Variants in SZRD1 observed in about 807,000 individuals in gnomAD.
SZRD1 encodes SUZ RNA-binding domain-containing.
A neutral mutation model predicts 17.6 loss-of-function variants in SZRD1; 7 were observed. The ratio of observed to expected loss-of-function variants is 0.40; its 90% CI spans 0.23 to 0.75. The LOEUF (loss-of-function observed/expected upper bound fraction) is 0.75, where lower values mean the gene tolerates loss of function less well. Ranked by LOEUF, SZRD1 falls within the 30% of genes least tolerant of loss-of-function variation. SZRD1 has a pLI of 0.38. For synonymous variants in SZRD1, 77 were observed against 77.9 expected (o/e 0.99, Z 0.06); for missense variants, 178 against 201.8 (o/e 0.88, Z 0.71).
At chr1:16,369,361 C>T in intron 1 of SZRD1, 1 of 907,730 alleles carries the variant, frequency 1.1e-6, no homozygotes. Flanking sequence ...CATCCCTCCA[C>T]CAAGGTTCTC....
intron 1 of SZRD1, among the ~76,000 whole-genome samples, chr1:16,373,762 CCTGA>C (rs940141834): frequency 5.3e-5 from 8 of 152,058 alleles, no homozygotes; most frequent in African/African-American, 1.9e-4. Context: ...CGCCACCACA[CCTGA>C]CTATTTTTGA....
intron 1 of SZRD1, among the ~76,000 whole-genome samples, chr1:16,370,635 A>G (rs2082898705): frequency 6.6e-6 from 1 of 151,888 alleles, no homozygotes; most frequent in African/African-American, 2.4e-5. Context: ...CATTAAAAAA[A>G]AAAATATTTA....
intron 1 of SZRD1, among the ~76,000 whole-genome samples, chr1:16,372,312 A>G (rs974035840): frequency 6.6e-6 from 1 of 152,052 alleles, no homozygotes; most frequent in Non-Finnish European, 1.5e-5. Context: ...GTCTCTATTA[A>G]AAATACAAAA....
rs574033898 is a variant in SZRD1 at position 16,393,503 on chromosome 1, C to G, written c.356+21C>G. On this transcript the variant is annotated intron_variant, in intron 3 of 3. Transcript: ENST00000401088. This position sits in a 1 kb window ranked among gnomAD's most constrained non-coding sequence, Gnocchi z 5.6. ...GACAGGTGAGTGTGGCTGGCAGGGCCGGCCAGTGATGGCTGTCCCAGTCCA... is the reference window on the plus strand; with the variant it reads ...GACAGGTGAGTGTGGCTGGCAGGGCGGGCCAGTGATGGCTGTCCCAGTCCA... 3 of 1,590,216 alleles carry G rather than the reference C, an allele frequency of 1.9e-6. No homozygotes were observed. Among genetic ancestry groups the G allele is most frequent in the South Asian group, 2.3e-5 (2 of 88,826 alleles).
intron 1 of SZRD1, among the ~76,000 whole-genome samples, chr1:16,372,080 CTT>C (rs2082923653): frequency 6.6e-6 from 1 of 152,132 alleles, no homozygotes; most frequent in Middle Eastern, 3.4e-3. Flanking sequence ...TGTGAATAGA[CTT>C]TTTGCTTTTA....
chr1:16,381,554 C>CAA (rs1196669695), intron 1 of SZRD1, among the ~76,000 whole-genome samples: 2,849 of 53,768 alleles, frequency 0.053, 110 homozygotes, highest in African/African-American at 0.17. Context: ...GACTTCATCT[C>CAA]AAAAAAAAAA....
intron 1 of SZRD1, among the ~76,000 whole-genome samples, chr1:16,386,648 T>C (rs2085129057): frequency 6.6e-6 from 1 of 152,098 alleles, no homozygotes; most frequent in South Asian, 2.1e-4. Flanking sequence ...TTCTCCTGCT[T>C]GGGCGCCTCT....
intron 2 of SZRD1, among the ~76,000 whole-genome samples, chr1:16,392,659 C>A (rs980209962): frequency 5.9e-5 from 9 of 152,186 alleles, no homozygotes; most frequent in Admixed American, 2.0e-4. Flanking sequence ...TGTAGCTTGT[C>A]TCTGGGAGGC....
chr1:16,370,539 AT>A (rs145501722), intron 1 of SZRD1, among the ~76,000 whole-genome samples: 8 of 138,188 alleles, frequency 5.8e-5, no homozygotes, highest in Non-Finnish European at 9.4e-5. Context: ...TTTTTTTTTA[AT>A]TTTTTTTTTA....
At chr1:16,372,421 A>G (rs902436086) in intron 1 of SZRD1, among the ~76,000 whole-genome samples, 25 of 152,148 alleles carry the variant, frequency 1.6e-4, no homozygotes, top group African/African-American at 5.8e-4. Flanking sequence ...TGCAGTGAGC[A>G]GAGATCGCAC....
intron 1 of SZRD1, among the ~76,000 whole-genome samples, chr1:16,369,978 T>A (rs2082885534): frequency 2.0e-5 from 3 of 151,944 alleles, no homozygotes; most frequent in Admixed American, 6.6e-5. Flanking sequence ...ATGCAGGTTC[T>A]CTAATATATT....
At position 16,393,088 on chromosome 1, in the gene SZRD1, C is replaced by A; in HGVS notation, c.102-140C>A. 8.3e-7 allele frequency: 1 copy of A among 1,199,868 alleles called. No homozygotes were observed. Among genetic ancestry groups the A allele is most frequent in the Non-Finnish European group, 1.2e-6 (1 of 844,394 alleles). 74.3% of individuals were successfully genotyped at this position (1,199,868 alleles called of 1,614,324 possible). On this transcript the variant is annotated intron_variant, in intron 2 of 3. Transcript: ENST00000401088. This position sits in a 1 kb window ranked among gnomAD's most constrained non-coding sequence, Gnocchi z 5.6. ...CCCTTCTTGAGGAGTGGAAATTTTG[C>A]TGTCTGGTCAGAGGCCAGAGAATCA...
chr1:16,370,930 T>G (rs943482931), intron 1 of SZRD1, among the ~76,000 whole-genome samples: 8 of 152,250 alleles, frequency 5.3e-5, no homozygotes, highest in African/African-American at 1.9e-4. Flanking sequence ...GGAGATGTTA[T>G]GTCCACATCA....
intron 1 of SZRD1, among the ~76,000 whole-genome samples, chr1:16,376,884 C>CTGAA (rs372271036): frequency 3.3e-5 from 5 of 150,960 alleles, no homozygotes; most frequent in African/African-American, 1.2e-4. Flanking sequence ...CCAGACTGAT[C>CTGAA]TGAACTCAGA....
In SZRD1 at chr1:16,398,080, G is replaced by A. The variant is rs2085342894; in HGVS notation, c.*2940G>A. Reference sequence around the variant, plus strand: ...CACTCCCACCCCACCCTGCACCGCGGGCTCCTGAGTCGGCAGATTAAGCAT... The same window carrying A: ...CACTCCCACCCCACCCTGCACCGCGAGCTCCTGAGTCGGCAGATTAAGCAT... On this transcript the variant is annotated 3_prime_UTR_variant, in exon 4 of 4. Transcript: ENST00000401088. 2.3e-6 allele frequency: 2 copies of A among 882,574 alleles called. No individual in the cohort carries two copies. The highest frequency in any genetic ancestry group is 1.4e-6 in the Non-Finnish European group (1 of 736,366). The allele number at this position is 882,574 out of a possible 1,614,324, so 54.7% of individuals were successfully genotyped here.
chr1:16,389,601 G>A (rs983044570), intron 1 of SZRD1, among the ~76,000 whole-genome samples: 2 of 151,570 alleles, frequency 1.3e-5, no homozygotes, highest in African/African-American at 2.4e-5. Flanking sequence ...GTGAGCCACC[G>A]TGCCTGGCCA....
rs552876965 is a variant in SZRD1 at position 16,379,052 on chromosome 1, C to T, written c.51+11744C>T. On this transcript the variant is annotated intron_variant, in intron 1 of 3. Coordinates refer to ENST00000401088, the MANE Select transcript of SZRD1 (RefSeq NM_001114600.3). ...TCCTTATATCCTACTTTATTAGCTC[C>T]TGATGCCACCTGCCTGCCAGTGTCC... 2.6e-5 allele frequency among the ~76,000 whole-genome samples: 4 copies of T among 151,500 alleles called. No homozygotes were observed. The East Asian group carries it at 7.9e-4, about 30-fold the overall frequency.
intron 1 of SZRD1, among the ~76,000 whole-genome samples, chr1:16,389,955 T>A (rs1221108309): frequency 1.3e-5 from 2 of 152,192 alleles, no homozygotes; most frequent in African/African-American, 4.8e-5. Context: ...AATAGTTCTT[T>A]GTGTGGGGCT....
Position 16,395,216 on chromosome 1 carries a change from G to A in SZRD1, c.*76G>A. On this transcript the variant is annotated 3_prime_UTR_variant, in exon 4 of 4. Coordinates refer to ENST00000401088, the MANE Select transcript of SZRD1 (RefSeq NM_001114600.3). ...CGTCCGCCACGGGTTGCACTGCCGT[G>A]GCAGACAGCTGGACTTGAGCAGAGG... The A allele has an allele frequency of 9.8e-7, 1 of 1,017,390 alleles. No homozygotes were observed. Among genetic ancestry groups the A allele is most frequent in the South Asian group, 1.3e-5 (1 of 77,602 alleles). The allele number at this position is 1,017,390 out of a possible 1,614,324, so 63.0% of individuals were successfully genotyped here.
Sources: allele counts gnomAD v4.1 joint callset (sites outside exome capture counted in the v4.1 genomes callset), GRCh38; gene constraint gnomAD v4.1.1; non-coding constraint Gnocchi (gnomAD v3.1); transcripts MANE v1.5; gene names NCBI Gene and HGNC (gene_info 2026-07-23, HGNC 2026-07-21).